Variants in TTC39A observed in about 807,000 individuals in gnomAD.
The protein encoded by TTC39A is tetratricopeptide repeat protein 39A.
Under a neutral mutation model 82.3 loss-of-function variants are expected in TTC39A, and 46 were observed. That is an observed-to-expected ratio of 0.56 (90% CI 0.44 to 0.71). TTC39A has a LOEUF of 0.71. Ranked by LOEUF, TTC39A falls within the 30% of genes least tolerant of loss-of-function variation. TTC39A has a pLI of 0.00. For missense variants in TTC39A, 543 were observed against 712.9 expected (o/e 0.76, Z 2.71); for synonymous variants, 254 against 275.2 (o/e 0.92, Z 0.76).
chr1:51,345,063 ACGGGGCCGCGGGCGGCCCCTCG>A, exon 1 of TTC39A: 1 of 1,384,944 alleles, frequency 7.2e-7, no homozygotes, highest in African/African-American at 1.5e-5. Context: ...CCGGGCTCGG[ACGGGGCCGCGGGCGGCCCCTCG>A]CGGCGGCGGC....
chr1:51,325,358 AG>A (rs758240075), intron 1 of TTC39A, among the ~76,000 whole-genome samples: 2 of 152,006 alleles, frequency 1.3e-5, no homozygotes, highest in African/African-American at 2.4e-5. Flanking sequence ...ATGGCCTAAA[AG>A]GCCCCACCTG....
At chr1:51,330,750 T>A (rs1645888736), upstream of TTC39A, 1 of 542,858 alleles carries the variant, frequency 1.8e-6, no homozygotes, top group South Asian at 4.2e-5. The surrounding 1 kb of genome is among the most constrained non-coding windows in gnomAD (Gnocchi z 4.5). Context: ...CCCGGCGCCC[T>A]CTGCGCAGAC....
chr1:51,334,746 T>C (rs931140126), upstream of TTC39A: 1 of 152,186 alleles, frequency 6.6e-6, no homozygotes, highest in African/African-American at 2.4e-5. Context: ...TCCTCCCCAT[T>C]TCACAGATGA....
intron 1 of TTC39A, chr1:51,329,521 C>CAG (rs1317851980): frequency 1.3e-5 from 2 of 152,612 alleles, no homozygotes; most frequent in African/African-American, 4.8e-5. Flanking sequence ...GCCACACACA[C>CAG]GCAAGCCCTG....
chr1:51,311,496 G>T (rs1645080367), intron 4 of TTC39A, among the ~76,000 whole-genome samples, 175 bp from the exon 5 acceptor site: 1 of 152,176 alleles, frequency 6.6e-6, no homozygotes, highest in South Asian at 2.1e-4. Context: ...CTAGAAGCTA[G>T]CTCATACCCT....
chr1:51,294,379 C>T lies in TTC39A; in HGVS notation c.1266+12G>A. On this transcript the variant is annotated intron_variant, in intron 14 of 17. Coordinates refer to ENST00000680483, the MANE Select transcript of TTC39A (RefSeq NM_001297663.2). The surrounding 1 kb of genome is among the most constrained non-coding windows in gnomAD (Gnocchi z 4.3). ...ACCCGGAGGGCAGCGCCAGTCCAGA[C>T]CTCCTACCCACCAGAGCAGGCACTG... The T allele has an allele frequency of 1.2e-6, 2 of 1,613,956 alleles. No homozygotes were observed. Among genetic ancestry groups the T allele is most frequent in the Non-Finnish European group, 1.7e-6 (2 of 1,179,884 alleles).
chr1:51,331,500 G>A (rs1342369941), upstream of TTC39A: 1 of 985,304 alleles, frequency 1.0e-6, no homozygotes, highest in Non-Finnish European at 1.2e-6. Flanking sequence ...AGCTCCCCTG[G>A]AGCAACTATG....
At chr1:51,334,382 A>AGG (rs748382979), upstream of TTC39A, among the ~76,000 whole-genome samples, 9 of 152,112 alleles carry the variant, frequency 5.9e-5, no homozygotes, top group Non-Finnish European at 1.3e-4. Context: ...GCATGCCTAT[A>AGG]ATTCCAGCTA....
intron 3 of TTC39A, among the ~76,000 whole-genome samples, chr1:51,312,419 G>A (rs528352963): frequency 2.0e-5 from 3 of 152,300 alleles, no homozygotes; most frequent in South Asian, 2.1e-4. Flanking sequence ...GTTACCACCT[G>A]ATCAGTCCTG....
At chr1:51,323,584 T>A (rs1192930662) in intron 1 of TTC39A, among the ~76,000 whole-genome samples, 2 of 152,234 alleles carry the variant, frequency 1.3e-5, no homozygotes, top group South Asian at 2.1e-4. Context: ...ACTTCTATAC[T>A]ATCTCTTGGG....
intron 1 of TTC39A, among the ~76,000 whole-genome samples, chr1:51,343,801 A>G (rs1646065025): frequency 6.6e-6 from 1 of 152,170 alleles, no homozygotes; most frequent in Non-Finnish European, 1.5e-5. Context: ...CTTTATTTAT[A>G]TAGAGATAGG....
chr1:51,299,281 A>G (rs971547308), intron 12 of TTC39A: 2 of 152,222 alleles, frequency 1.3e-5, no homozygotes, highest in Non-Finnish European at 2.9e-5. Flanking sequence ...CAAGCGTGGC[A>G]GGCTTATGGG....
At chr1:51,317,414 T>C (rs1255313374) in intron 2 of TTC39A, among the ~76,000 whole-genome samples, 2 of 151,862 alleles carry the variant, frequency 1.3e-5, no homozygotes, top group African/African-American at 4.8e-5. Flanking sequence ...GGTCTGGGGG[T>C]GGTGTGCTAC....
chr1:51,334,219 C>T (rs1322475734), upstream of TTC39A, among the ~76,000 whole-genome samples: 4 of 144,792 alleles, frequency 2.8e-5, no homozygotes, highest in Non-Finnish European at 6.0e-5. Flanking sequence ...AAAAAAAAGG[C>T]CAGGCCAGTT....
chr1:51,302,303 G>T lies in TTC39A; in HGVS notation c.891+54C>A, dbSNP rs200249495. The T allele has an allele frequency of 2.0e-3, 3,075 of 1,532,444 alleles. 6 individuals carry two copies. The highest frequency in any genetic ancestry group is 2.5e-3 in the Non-Finnish European group (2,852 of 1,132,512). The allele number at this position is 1,532,444 out of a possible 1,614,324, so 94.9% of individuals were successfully genotyped here. On this transcript the variant is annotated intron_variant, in intron 11 of 17. Transcript: ENST00000680483. ...TGTCACATGTGCCTGACTTCCTGCTGGTCTGGGAGACCCCGAGGGATCCCC... is the reference window on the plus strand; with the variant it reads ...TGTCACATGTGCCTGACTTCCTGCTTGTCTGGGAGACCCCGAGGGATCCCC...
chr1:51,339,085 C>T (rs150984391), intron 1 of TTC39A, among the ~76,000 whole-genome samples: 2,541 of 152,292 alleles, frequency 0.017, 37 homozygotes, highest in Non-Finnish European at 0.026. Context: ...ATGAATTGAG[C>T]GGCTGCAGTG....
chr1:51,306,035 C>T lies in TTC39A; in HGVS notation c.530G>A (p.Gly177Asp). ...SLVQSSQYCK[G>D]ENHPHFEGGV... ...TCCTTCAAAGTGCGGGTGGTTCTCA[C>T]CCTTGCAGTATTGTGAGGACTGAAC... Residue 177 changes from glycine (G) to aspartate (D), a missense_variant, in exon 7 of 18, where the codon GGT (glycine) becomes GAT (aspartate). Gly to Asp is a moderately conservative substitution (Grantham distance 94, BLOSUM62 -1). Transcript: ENST00000680483. 6.2e-7 allele frequency: 1 copy of T among 1,613,996 alleles called. No homozygotes were observed. Among genetic ancestry groups the T allele is most frequent in the African/African-American group, 1.3e-5 (1 of 75,060 alleles).
At position 51,312,610 on chromosome 1, in the gene TTC39A, G is replaced by A. The variant is rs1358830722; in HGVS notation, c.278+202C>T. Reference sequence around the variant, plus strand: ...CCTCCTCCTCTACTCTGTCACCCTGGTCCCTAAAAGCTGCCCAGTGACTGG... The same window carrying A: ...CCTCCTCCTCTACTCTGTCACCCTGATCCCTAAAAGCTGCCCAGTGACTGG... On this transcript the variant is annotated intron_variant, in intron 3 of 17. Coordinates refer to ENST00000680483, the MANE Select transcript of TTC39A (RefSeq NM_001297663.2). Among the ~76,000 whole-genome samples the A allele has an allele frequency of 3.3e-5, 5 of 152,108 alleles. No individual in the cohort carries two copies. The East Asian group carries it at 9.6e-4, about 29-fold the overall frequency.
At chr1:51,325,620 G>C (rs934032618) in intron 1 of TTC39A, among the ~76,000 whole-genome samples, 1 of 152,136 alleles carries the variant, frequency 6.6e-6, no homozygotes, top group African/African-American at 2.4e-5. Flanking sequence ...GGGTAACTTG[G>C]CTAAGGTCAC....
Sources: allele counts gnomAD v4.1 joint callset (sites outside exome capture counted in the v4.1 genomes callset), GRCh38; gene constraint gnomAD v4.1.1; non-coding constraint Gnocchi (gnomAD v3.1); transcripts MANE v1.5; gene names NCBI Gene and HGNC (gene_info 2026-07-23, HGNC 2026-07-21).